Variants in RBBP5 observed in about 807,000 individuals in gnomAD.
The protein encoded by RBBP5 is retinoblastoma-binding protein 5.
In RBBP5, 5 loss-of-function variants were observed where a neutral mutation model predicts 72.2. The observed-to-expected ratio is 0.07, with a 90% CI of 0.04 to 0.15. The LOEUF (loss-of-function observed/expected upper bound fraction) is 0.15, where lower values mean the gene tolerates loss of function less well. Ranked by LOEUF, RBBP5 falls within the 10% of genes least tolerant of loss-of-function variation. The pLI is 1.00. For missense variants in RBBP5, 322 were observed against 652.2 expected, an observed-to-expected ratio of 0.49 and a Z score of 5.51; for synonymous variants, 209 against 237.2, an observed-to-expected ratio of 0.88 and a Z score of 1.09.
chr1:205,096,639 A>G (rs749275571), intron 12 of RBBP5, 43 bp downstream of exon 12: 7 of 1,570,882 alleles, frequency 4.5e-6, no homozygotes, highest in Non-Finnish European at 5.2e-6. Flanking sequence ...AGTGAGTAGA[A>G]AGTGGCGTCT....
intron 1 of RBBP5, 65 bp from the exon 2 acceptor site, chr1:205,115,948 G>T (rs752537449): frequency 3.7e-6 from 6 of 1,613,794 alleles, no homozygotes; most frequent in Middle Eastern, 1.6e-4. Flanking sequence ...TACAACTCAC[G>T]AACAGTGTAT....
intron 3 of RBBP5, among the ~76,000 whole-genome samples, chr1:205,111,652 A>G (rs1482797827): frequency 6.6e-6 from 1 of 152,178 alleles, no homozygotes; most frequent in Non-Finnish European, 1.5e-5. Context: ...CATTATCTCC[A>G]GCCTAGACCA....
intron 13 of RBBP5, chr1:205,091,976 C>T (rs1194898243): frequency 2.0e-5 from 3 of 152,130 alleles, no homozygotes; most frequent in Non-Finnish European, 4.4e-5. Context: ...GATCCAAATG[C>T]CAGAGTTTCC....
At position 205,086,780 on chromosome 1, in the gene RBBP5, C is replaced by T. The variant is rs1655156879; in HGVS notation, c.*2007G>A. ...GTTTAGGAGGTGGACATAGCACAAA[C>T]ATCCAAATGCACAGGCAGAGGAAAC... On this transcript the variant is annotated 3_prime_UTR_variant, in exon 14 of 14. Transcript: ENST00000264515. The T allele has an allele frequency of 6.6e-6, 1 of 152,142 alleles. No homozygotes were observed. The highest frequency in any genetic ancestry group is 2.4e-5 in the African/African-American group (1 of 41,418). The allele number at this position is 152,142 out of a possible 1,614,324, so 9.4% of individuals were successfully genotyped here.
chr1:205,089,996 C>T (rs928792878), intron 13 of RBBP5, among the ~76,000 whole-genome samples: 2 of 152,116 alleles, frequency 1.3e-5, no homozygotes, highest in Non-Finnish European at 2.9e-5. Flanking sequence ...GGATTATAGG[C>T]GCCCACCACC....
chr1:205,114,525 C>T (rs1366493041), intron 3 of RBBP5, among the ~76,000 whole-genome samples: 1 of 152,092 alleles, frequency 6.6e-6, no homozygotes, highest in Non-Finnish European at 1.5e-5. Context: ...CACAATTATA[C>T]TACAATTACA....
chr1:205,110,098 G>A (rs572452309), intron 3 of RBBP5, among the ~76,000 whole-genome samples: 1 of 151,538 alleles, frequency 6.6e-6, no homozygotes, highest in South Asian at 2.1e-4. Context: ...CCGGCTCACC[G>A]CAACCTCCAT....
At chr1:205,105,261 C>T in intron 3 of RBBP5, 93 bp from the exon 4 acceptor site, 2 of 1,396,328 alleles carry the variant, frequency 1.4e-6, no homozygotes, top group Non-Finnish European at 2.0e-6. Context: ...ATTGCTGCAA[C>T]TGCACAGGTC....
In RBBP5 at chr1:205,110,509, A is replaced by C. The variant is rs184261775; in HGVS notation, c.218+4280T>G. On this transcript the variant is annotated intron_variant, in intron 3 of 13. Coordinates refer to ENST00000264515, the MANE Select transcript of RBBP5 (RefSeq NM_005057.4). ...GTATACTGTGCAATACTCTATAGACACAACTATATAAAATAAGGAGACACA... is the reference window on the plus strand; with the variant it reads ...GTATACTGTGCAATACTCTATAGACCCAACTATATAAAATAAGGAGACACA... 1.1e-3 allele frequency among the ~76,000 whole-genome samples: 165 copies of C among 152,360 alleles called. 1 individual carries two copies. Among genetic ancestry groups the C allele is most frequent in the African/African-American group, 3.7e-3 (155 of 41,588 alleles).
rs959154690 is a variant in RBBP5, at chr1:205,099,376, T to C, written c.979-270A>G. ...GGAATTTAGAGGTAAAATGTTAAAT[T>C]TTCTTGTAAGTACACTGATTACAAA... On this transcript the variant is annotated intron_variant, in intron 9 of 13. Transcript: ENST00000264515. This position sits in a 1 kb window ranked among gnomAD's most constrained non-coding sequence, Gnocchi z 4.7. Among the ~76,000 whole-genome samples, 2 of 152,214 alleles carry C rather than the reference T, an allele frequency of 1.3e-5. No homozygotes were observed. Among genetic ancestry groups the C allele is most frequent in the Non-Finnish European group, 2.9e-5 (2 of 68,028 alleles).
At chr1:205,101,856 G>T in intron 5 of RBBP5, 147 bp from the exon 6 acceptor site, 12 of 462,534 alleles carry the variant, frequency 2.6e-5, no homozygotes, top group East Asian at 8.0e-5. Context: ...TGGTATTGCT[G>T]TTTTGCTTCC....
Position 205,115,835 on chromosome 1 carries a change from TCAC to T in RBBP5, c.45+20_45+22del. On this transcript the variant is annotated intron_variant, in intron 2 of 13. Coordinates refer to ENST00000264515, the MANE Select transcript of RBBP5 (RefSeq NM_005057.4). ...CCCAGAAGTTACTATGTTCCTAAAA[TCAC>T]CACAATACTATACTCTTACCTCTGG... 3 of 1,563,360 alleles carry T rather than the reference TCAC, an allele frequency of 1.9e-6. No homozygotes were observed. Among genetic ancestry groups the T allele is most frequent in the South Asian group, 2.4e-5 (2 of 83,098 alleles).
At chr1:205,093,479 AATATATATATATATATATATATAT>A (rs1204598107) in intron 13 of RBBP5, among the ~76,000 whole-genome samples, 85 of 7,816 alleles carry the variant, frequency 0.011, 4 homozygotes, top group South Asian at 0.025. Context: ...AAAAAAAAAA[AATATATATATATATATATATATAT>A]ATATATATAT....
chr1:205,119,444 AC>A (rs1376870226), intron 1 of RBBP5, among the ~76,000 whole-genome samples: 8 of 152,132 alleles, frequency 5.3e-5, no homozygotes, highest in African/African-American at 1.7e-4. Context: ...ATCCTAATGA[AC>A]CTTCTGTATC....
chr1:205,099,657 G>GT lies in RBBP5; in HGVS notation c.978+83dup, dbSNP rs1655747390. 4 of 1,337,376 alleles carry GT rather than the reference G, an allele frequency of 3.0e-6. No homozygotes were observed. Among genetic ancestry groups the GT allele is most frequent in the Non-Finnish European group, 4.2e-6 (4 of 961,304 alleles). The allele number at this position is 1,337,376 out of a possible 1,614,324, so 82.8% of individuals were successfully genotyped here. ...ATCATATGCAAAAGAAAATAAAAAT[G>GT]TAATTTTTAGCTTCCTATGTATAAG... On this transcript the variant is annotated intron_variant, in intron 9 of 13. Coordinates refer to ENST00000264515, the MANE Select transcript of RBBP5 (RefSeq NM_005057.4). The surrounding 1 kb of genome is among the most constrained non-coding windows in gnomAD (Gnocchi z 4.7).
At chr1:205,092,509 T>C (rs1232193586) in intron 13 of RBBP5, among the ~76,000 whole-genome samples, 1 of 151,898 alleles carries the variant, frequency 6.6e-6, no homozygotes, top group Non-Finnish European at 1.5e-5. Context: ...TGCAACGGCG[T>C]GATCATAGCT....
rs1656509859 is a variant in RBBP5, at chr1:205,116,102, A to C, written c.20-219T>G. 6.0e-6 allele frequency: 5 copies of C among 838,802 alleles called. No homozygotes were observed. In the South Asian group the frequency reaches 9.4e-5, roughly 16 times the overall value. The allele number at this position is 838,802 out of a possible 1,614,324, so 52.0% of individuals were successfully genotyped here. ...TACAGATGCGTTTTCCTGAGACTAT[A>C]TGACCTGGGATATTGAAACAGAGTG... On this transcript the variant is annotated intron_variant, in intron 1 of 13. Transcript: ENST00000264515.
In RBBP5 at chr1:205,088,671, T is replaced by A; in HGVS notation, c.*116A>T. 2 of 1,041,100 alleles carry A rather than the reference T, an allele frequency of 1.9e-6. No homozygotes were observed. The highest frequency in any genetic ancestry group is 2.8e-6 in the Non-Finnish European group (2 of 704,144). The allele number at this position is 1,041,100 out of a possible 1,614,324, so 64.5% of individuals were successfully genotyped here. ...ACATAAAATTCACCCTCCCACCTCC[T>A]GGGTGGGAGGCACAGGCCTTTGTTT... is the stretch of plus-strand genomic sequence containing the variant. On this transcript the variant is annotated 3_prime_UTR_variant, in exon 14 of 14. Transcript: ENST00000264515.
At chr1:205,093,813 G>T (rs1655508979) in intron 13 of RBBP5, among the ~76,000 whole-genome samples, 1 of 151,924 alleles carries the variant, frequency 6.6e-6, no homozygotes, top group South Asian at 2.1e-4. Flanking sequence ...ATGATTAAAT[G>T]ATGTAAGTTA....
Sources: gnomAD v4.1 joint callset for allele counts (sites outside exome capture counted in the v4.1 genomes callset) on GRCh38, gnomAD v4.1.1 for gene constraint, Gnocchi (gnomAD v3.1) non-coding constraint, MANE v1.5 for transcripts, NCBI Gene and HGNC (gene_info 2026-07-23, HGNC 2026-07-21) for gene names.